The following CNTN4 variants were observed in gnomAD, a reference collection of about 807,000 sequenced individuals.
The protein encoded by CNTN4 is contactin 4.
CNTN4 carries 77 observed loss-of-function variants against 122.5 expected under a neutral mutation model. The ratio of observed to expected loss-of-function variants is 0.63; its 90% CI spans 0.52 to 0.76. CNTN4 has a LOEUF of 0.76. Among genes scored for constraint, CNTN4 ranks in the 30% least tolerant of loss-of-function variants. CNTN4 has a pLI of 0.00. For missense variants in CNTN4, 1,256 were observed against 1,259.1 expected (o/e 1.00, Z 0.04); for synonymous variants, 512 against 447.0 (o/e 1.15, Z -1.83).
intron 13 of CNTN4, among the ~76,000 whole-genome samples, chr3:2,940,944 C>A (rs558594688): frequency 6.6e-6 from 1 of 152,210 alleles, no homozygotes; most frequent in South Asian, 2.1e-4. Flanking sequence ...CACACATTGA[C>A]TTTCCCACAT....
At chr3:2,379,993 G>A (rs577392019) in intron 3 of CNTN4, among the ~76,000 whole-genome samples, 153 of 149,688 alleles carry the variant, frequency 1.0e-3, no homozygotes, top group African/African-American at 3.4e-3. Context: ...GGAGATGGAG[G>A]TTGCGGTGAG....
intron 2 of CNTN4, among the ~76,000 whole-genome samples, chr3:2,302,606 G>A (rs2042564995): frequency 1.3e-5 from 2 of 152,192 alleles, no homozygotes; most frequent in Admixed American, 6.5e-5. Flanking sequence ...GCTCCCGCCT[G>A]AAAATCTGTG....
rs557645439 is a variant in CNTN4, at chr3:2,565,773, C to G, written c.-88-5643C>G. Among the ~76,000 whole-genome samples the G allele has an allele frequency of 7.2e-5, 11 of 152,236 alleles. No homozygotes were observed. The East Asian group carries it at 2.1e-3, about 29-fold the overall frequency. On this transcript the variant is annotated intron_variant, in intron 3 of 24. Coordinates refer to ENST00000418658, the MANE Select transcript of CNTN4 (RefSeq NM_175607.3). ...CTTTCTGAGGAAGCCTATTTAATCT[C>G]TTGCTTTCATTTCTGTTTCCCGCTT...
At chr3:2,999,105 A>G (rs1196246166) in intron 14 of CNTN4, 2 of 152,222 alleles carry the variant, frequency 1.3e-5, no homozygotes, top group African/African-American at 4.8e-5. Context: ...CTGTGTATGT[A>G]TCTGTTCTCA....
At chr3:2,815,171 G>T (rs1290426804) in intron 6 of CNTN4, among the ~76,000 whole-genome samples, 1 of 152,158 alleles carries the variant, frequency 6.6e-6, no homozygotes, top group East Asian at 1.9e-4. Flanking sequence ...CTGGACATTG[G>T]CTTAGGCAAG....
chr3:2,704,081 G>A (rs140718253), intron 4 of CNTN4, among the ~76,000 whole-genome samples: 2,514 of 151,774 alleles, frequency 0.017, 70 homozygotes, highest in African/African-American at 0.057. Context: ...CGGATCATTT[G>A]AGGTCAGGAG....
chr3:2,350,195 A>C (rs772939899), intron 3 of CNTN4, among the ~76,000 whole-genome samples: 4 of 152,186 alleles, frequency 2.6e-5, no homozygotes, highest in Non-Finnish European at 4.4e-5. Context: ...AGCCATAGTC[A>C]CAGCTGTCTT....
chr3:2,607,189 G>C (rs1050114519), intron 4 of CNTN4, among the ~76,000 whole-genome samples: 2 of 152,168 alleles, frequency 1.3e-5, no homozygotes, highest in East Asian at 1.9e-4. Flanking sequence ...CGTGAATAAA[G>C]GAAAGAGTAG....
intron 13 of CNTN4, among the ~76,000 whole-genome samples, chr3:2,978,086 C>T (rs1336203101): frequency 6.6e-6 from 1 of 152,184 alleles, no homozygotes; most frequent in Non-Finnish European, 1.5e-5. Context: ...TGGCCAATAC[C>T]TTCATGTCAG....
chr3:2,838,316 A>G (rs1405229738), intron 7 of CNTN4, among the ~76,000 whole-genome samples: 1 of 152,178 alleles, frequency 6.6e-6, no homozygotes, highest in Non-Finnish European at 1.5e-5. Context: ...AGAAACTCTC[A>G]TCTTTACTGT....
intron 8 of CNTN4, 37 bp downstream of exon 8, chr3:2,866,986 C>T: frequency 6.5e-7 from 1 of 1,549,356 alleles, no homozygotes; most frequent in Non-Finnish European, 8.9e-7. Context: ...TTTGTTTCTG[C>T]AATCACAGGA....
intron 13 of CNTN4, among the ~76,000 whole-genome samples, chr3:2,974,516 T>A (rs1198479905): frequency 6.6e-6 from 1 of 152,202 alleles, no homozygotes; most frequent in African/African-American, 2.4e-5. Flanking sequence ...GAGATGGCAG[T>A]CTGGAGCCCA....
At chr3:2,590,676 A>C (rs1243794917) in intron 4 of CNTN4, among the ~76,000 whole-genome samples, 1 of 151,820 alleles carries the variant, frequency 6.6e-6, no homozygotes, top group African/African-American at 2.4e-5. Context: ...TCCATTACTA[A>C]ATCATGTCAA....
intron 3 of CNTN4, among the ~76,000 whole-genome samples, chr3:2,492,384 G>T (rs1476531918): frequency 6.6e-6 from 1 of 152,098 alleles, no homozygotes; most frequent in Non-Finnish European, 1.5e-5. Flanking sequence ...TGGATCTGGG[G>T]CAGTAATCTA....
chr3:2,229,596 T>A (rs1398923577), intron 2 of CNTN4, among the ~76,000 whole-genome samples: 1 of 152,156 alleles, frequency 6.6e-6, no homozygotes, highest in Non-Finnish European at 1.5e-5. Flanking sequence ...AAGATAATAG[T>A]CTAGATAATA....
chr3:2,398,241 GAAAT>G lies in CNTN4; in HGVS notation c.-89+59014_-89+59017del, dbSNP rs1302670398. On this transcript the variant is annotated intron_variant, in intron 3 of 24. Coordinates refer to ENST00000418658, the MANE Select transcript of CNTN4 (RefSeq NM_175607.3). The stretch of plus-strand genomic sequence containing the variant: ...AGGATTTATATCCAAAAAGTTTCCT[GAAAT>G]AAATAGATTGTGCCACATAATTTAT... Among the ~76,000 whole-genome samples the G allele has an allele frequency of 5.3e-5, 8 of 152,140 alleles. No individual in the cohort carries two copies. The South Asian group carries it at 1.5e-3, about 28-fold the overall frequency.
rs535594029 is a variant in CNTN4, at chr3:2,917,251, G to A, written c.1208-8378G>A. The stretch of plus-strand genomic sequence containing the variant: ...GTCGCAGTGAGCCGAGATGGCAGCA[G>A]CACAGTCCAGCTTCGGCATCAGAGG... On this transcript the variant is annotated intron_variant, in intron 12 of 24. Transcript: ENST00000418658. Among the ~76,000 whole-genome samples, 3 of 151,978 alleles carry A rather than the reference G, an allele frequency of 2.0e-5. No individual in the cohort carries two copies. The East Asian group carries it at 5.9e-4, about 30-fold the overall frequency.
intron 4 of CNTN4, among the ~76,000 whole-genome samples, chr3:2,587,608 G>T (rs1216186127): frequency 1.3e-5 from 2 of 152,142 alleles, no homozygotes; most frequent in African/African-American, 2.4e-5. Flanking sequence ...ACTTGAAGGT[G>T]ATTCTCTAGA....
intron 2 of CNTN4, among the ~76,000 whole-genome samples, chr3:2,145,967 G>T: frequency 6.7e-6 from 1 of 149,892 alleles, no homozygotes; most frequent in South Asian, 2.1e-4. Flanking sequence ...TTTAAATGAA[G>T]TTGGCATTAG....
Sources: gnomAD v4.1 joint callset for allele counts (sites outside exome capture counted in the v4.1 genomes callset) on GRCh38, gnomAD v4.1.1 for gene constraint, MANE v1.5 for transcripts, NCBI Gene and HGNC (gene_info 2026-07-23, HGNC 2026-07-21) for gene names.